Variants in DNALI1 observed in about 807,000 individuals in gnomAD.
DNALI1 encodes the protein axonemal dynein light intermediate polypeptide 1.
A neutral mutation model predicts 33.9 loss-of-function variants in DNALI1; 31 were observed. The ratio of observed to expected loss-of-function variants is 0.91; its 90% CI spans 0.69 to 1.23. DNALI1 has a LOEUF of 1.23. Among genes scored for constraint, DNALI1 ranks in the 50% most tolerant of loss-of-function variants. The pLI is 0.00. For missense variants in DNALI1, 305 were observed against 323.8 expected, an observed-to-expected ratio of 0.94 and a Z score of 0.44; for synonymous variants, 117 against 129.2, an observed-to-expected ratio of 0.91 and a Z score of 0.64.
chr1:37,560,526 A>C (rs2148122299), intron 3 of DNALI1: 1 of 152,330 alleles, frequency 6.6e-6, no homozygotes, highest in South Asian at 2.1e-4. Flanking sequence ...CTGTGAGCTC[A>C]AGGTTGGGGC....
chr1:37,564,962 C>G, intron 5 of DNALI1, 64 bp from the exon 6 acceptor site: 1 of 1,549,592 alleles, frequency 6.5e-7, no homozygotes, highest in Non-Finnish European at 8.9e-7. Context: ...ATTTGATCAC[C>G]TCTCAGCTAT....
Position 37,556,981 on chromosome 1 carries a change from C to G in DNALI1, c.-14C>G. 4 of 1,614,230 alleles carry G rather than the reference C, an allele frequency of 2.5e-6. No homozygotes were observed. Among genetic ancestry groups the G allele is most frequent in the Non-Finnish European group, 2.5e-6 (3 of 1,180,044 alleles). On this transcript the variant is annotated 5_prime_UTR_variant, in exon 1 of 6. Transcript: ENST00000652629. ...GGACAGGGCAGCTGCTGGGTTGCTACTCTCGCCTCCGCCATGATTCCGCCC... is the reference window on the plus strand; with the variant it reads ...GGACAGGGCAGCTGCTGGGTTGCTAGTCTCGCCTCCGCCATGATTCCGCCC...
Position 37,564,611 on chromosome 1 carries a change from G to A in DNALI1, c.742-415G>A, listed in dbSNP as rs188907533. ...TTATCCAGGATGGTCTGGATCTCCT[G>A]ACCTCACGATCCGCCCGCCTCAGCC... On this transcript the variant is annotated intron_variant, in intron 5 of 5. Transcript: ENST00000652629. Among the ~76,000 whole-genome samples the A allele has an allele frequency of 9.4e-3, 1,428 of 152,164 alleles. 12 individuals carry two copies. Among genetic ancestry groups the A allele is most frequent in the South Asian group, 0.027 (130 of 4,810 alleles).
rs1643448651 is a variant in DNALI1, at chr1:37,562,199, A to G, written c.695A>G (p.His232Arg). 1 of 1,613,952 alleles carries G rather than the reference A, an allele frequency of 6.2e-7. No individual in the cohort carries two copies. The highest frequency in any genetic ancestry group is 1.3e-5 in the African/African-American group (1 of 75,036). Residue 232 changes from histidine (H) to arginine (R), a missense_variant, in exon 5 of 6, where the codon CAC (histidine) becomes CGC (arginine). Coordinates refer to ENST00000652629, the MANE Select transcript of DNALI1 (RefSeq NM_003462.5). This position sits in a 1 kb window ranked among gnomAD's most constrained non-coding sequence, Gnocchi z 5.8. The part of the protein sequence containing the change: ...SERRQVEEKK[H>R]NEEIQFLKRT... Reference sequence around the variant, plus strand: ...AGGCGGCAGGTGGAGGAGAAGAAGCACAATGAGGAGATTCAGTTCCTGAAG... The same window carrying G: ...AGGCGGCAGGTGGAGGAGAAGAAGCGCAATGAGGAGATTCAGTTCCTGAAG...
chr1:37,563,647 C>A (rs1352199189), intron 5 of DNALI1, among the ~76,000 whole-genome samples: 1 of 152,076 alleles, frequency 6.6e-6, no homozygotes, highest in Admixed American at 6.5e-5. Flanking sequence ...TGTGCCAGCA[C>A]GCCCGGCAAA....
rs1004694989 is a variant in DNALI1 at position 37,562,257 on chromosome 1, G to A, written c.741+12G>A. The A allele has an allele frequency of 1.6e-5, 25 of 1,607,490 alleles. No homozygotes were observed. Among genetic ancestry groups the A allele is most frequent in the East Asian group, 4.5e-5 (2 of 44,576 alleles). ...ATCAGCAGCTGAAGGTAATCAACGC[G>A]CAGGGTGGGGTGGAGGTGCCCCCTG... is the stretch of plus-strand genomic sequence containing the variant. On this transcript the variant is annotated intron_variant, in intron 5 of 5. Coordinates refer to ENST00000652629, the MANE Select transcript of DNALI1 (RefSeq NM_003462.5). This position sits in a 1 kb window ranked among gnomAD's most constrained non-coding sequence, Gnocchi z 5.8.
chr1:37,559,491 G>A lies in DNALI1; in HGVS notation c.392G>A (p.Cys131Tyr). 6.2e-7 allele frequency: 1 copy of A among 1,604,806 alleles called. No individual in the cohort carries two copies. Among genetic ancestry groups the A allele is most frequent in the Non-Finnish European group, 8.5e-7 (1 of 1,175,092 alleles). ...GTCCGCAGGGAACTCTACTCACAGT[G>A]TTTTGGTGAGTGAGCCAGGTGAGGG... The part of the protein sequence containing the change: ...CPVRRELYSQ[C>Y]FDELIREVTI... The change falls in exon 3 of 6, where the codon TGT (cysteine) becomes TAT (tyrosine). Residue 131 changes from cysteine to tyrosine, a missense_variant. By Grantham distance (194) the Cys-to-Tyr change is radical. Transcript: ENST00000652629. This position sits in a 1 kb window ranked among gnomAD's most constrained non-coding sequence, Gnocchi z 5.3.
chr1:37,561,981 T>C lies in DNALI1; in HGVS notation c.577-100T>C. ...ACTGACCTCCCACTGGGTGGCAGTA[T>C]ATACCCTGGCAATGTCATGTCCCAT... On this transcript the variant is annotated intron_variant, in intron 4 of 5. Transcript: ENST00000652629. This position sits in a 1 kb window ranked among gnomAD's most constrained non-coding sequence, Gnocchi z 4.6. 6.4e-7 allele frequency: 1 copy of C among 1,555,536 alleles called. No homozygotes were observed. Among genetic ancestry groups the C allele is most frequent in the Non-Finnish European group, 8.7e-7 (1 of 1,143,146 alleles).
At chr1:37,560,553 G>A (rs1297057001) in intron 3 of DNALI1, 5 of 152,160 alleles carry the variant, frequency 3.3e-5, no homozygotes, top group African/African-American at 1.2e-4. Flanking sequence ...ACAGATTAAC[G>A]GCATCTTAGG....
chr1:37,561,437 C>CT lies in DNALI1; in HGVS notation c.398-117dup, dbSNP rs1257256125. 8 of 1,331,028 alleles carry CT rather than the reference C, an allele frequency of 6.0e-6. No individual in the cohort carries two copies. The highest frequency in any genetic ancestry group is 7.2e-6 in the Non-Finnish European group (7 of 977,558). The allele number at this position is 1,331,028 out of a possible 1,614,324, so 82.5% of individuals were successfully genotyped here. On this transcript the variant is annotated intron_variant, in intron 3 of 5. Coordinates refer to ENST00000652629, the MANE Select transcript of DNALI1 (RefSeq NM_003462.5). The surrounding 1 kb of genome is among the most constrained non-coding windows in gnomAD (Gnocchi z 4.6). ...TGAGGCCCTTCTCTGAGGCCTTGCACTTTGTCTCCAAGCGAGAACACCCTA... is the reference window on the plus strand; with the variant it reads ...TGAGGCCCTTCTCTGAGGCCTTGCACTTTTGTCTCCAAGCGAGAACACCCTA...
Position 37,559,260 on chromosome 1 carries a change from C to G in DNALI1, c.228-67C>G. 6.8e-7 allele frequency: 1 copy of G among 1,475,424 alleles called. No individual in the cohort carries two copies. The highest frequency in any genetic ancestry group is 9.1e-7 in the Non-Finnish European group (1 of 1,104,970). The allele number at this position is 1,475,424 out of a possible 1,614,324, so 91.4% of individuals were successfully genotyped here. A position where few individuals can be genotyped will look rare whatever the true frequency, so the allele number is the denominator to read the frequency against. The stretch of plus-strand genomic sequence containing the variant: ...TACTCAGGCAGAGGGCTCAAAGGGC[C>G]CTCTGCTCATGTGCTAGGGACCTTC... On this transcript the variant is annotated intron_variant, in intron 2 of 5. Transcript: ENST00000652629. This position sits in a 1 kb window ranked among gnomAD's most constrained non-coding sequence, Gnocchi z 5.3.
rs115648365 is a variant in DNALI1, at chr1:37,566,850, A to G, written c.*1789A>G. 2.2e-5 allele frequency: 35 copies of G among 1,611,724 alleles called. No homozygotes were observed. The highest frequency in any genetic ancestry group is 2.8e-5 in the Non-Finnish European group (33 of 1,178,890). On this transcript the variant is annotated 3_prime_UTR_variant, in exon 6 of 6. Transcript: ENST00000652629. Reference sequence around the variant, plus strand: ...TTGTATAATTTAATAAAAACCTTTTAAACATTACTGCTTTTGTCTGAATTT... The same window carrying G: ...TTGTATAATTTAATAAAAACCTTTTGAACATTACTGCTTTTGTCTGAATTT...
At position 37,565,183 on chromosome 1, in the gene DNALI1, C is replaced by A; in HGVS notation, c.*122C>A. On this transcript the variant is annotated 3_prime_UTR_variant, in exon 6 of 6. Transcript: ENST00000652629. ...AAAGCTAGTTTCCTGAGTGAACAAG[C>A]CATAACCTCCCCTAAACACCACCTA... 3 of 1,069,274 alleles carry A rather than the reference C, an allele frequency of 2.8e-6. No individual in the cohort carries two copies. Among genetic ancestry groups the A allele is most frequent in the Admixed American group, 1.9e-5 (1 of 51,458 alleles). 66.2% of individuals were successfully genotyped at this position (1,069,274 alleles called of 1,614,324 possible).
rs1643490920 is a variant in DNALI1, at chr1:37,565,617, T to G, written c.*556T>G. 1 of 153,504 alleles carries G rather than the reference T, an allele frequency of 6.5e-6. No homozygotes were observed. The highest frequency in any genetic ancestry group is 1.4e-5 in the Non-Finnish European group (1 of 69,010). The allele number at this position is 153,504 out of a possible 1,614,324, so 9.5% of individuals were successfully genotyped here. A position where few individuals can be genotyped will look rare whatever the true frequency, so the allele number is the denominator to read the frequency against. On this transcript the variant is annotated 3_prime_UTR_variant, in exon 6 of 6. Transcript: ENST00000652629. ...CAACTGGACCCCTTCCTCCTCGGTT[T>G]CAGACTGCCTACATTAGGAAACAAT...
Position 37,559,495 on chromosome 1 carries a change from TGGTGAGTGAGCCA to T in DNALI1, c.397+6_397+18del. ...GCAGGGAACTCTACTCACAGTGTTT[TGGTGAGTGAGCCA>T]GGTGAGGGGTGGGCACTACACACCC... On this transcript the variant is annotated splice_donor_variant and splice_donor_5th_base_variant and coding_sequence_variant and intron_variant, in exon 3 of 6. Transcript: ENST00000652629. LOFTEE classifies it high-confidence loss of function. This position sits in a 1 kb window ranked among gnomAD's most constrained non-coding sequence, Gnocchi z 5.3. 6.2e-7 allele frequency: 1 copy of T among 1,603,942 alleles called. No individual in the cohort carries two copies. Among genetic ancestry groups the T allele is most frequent in the Non-Finnish European group, 8.5e-7 (1 of 1,174,570 alleles).
rs535057548 is a variant in DNALI1 at position 37,557,480 on chromosome 1, G to A, written c.82-123G>A. The A allele has an allele frequency of 2.5e-5, 34 of 1,371,092 alleles. No homozygotes were observed. The South Asian group carries it at 3.0e-4, about 12-fold the overall frequency. The allele number at this position is 1,371,092 out of a possible 1,614,324, so 84.9% of individuals were successfully genotyped here. A position where few individuals can be genotyped will look rare whatever the true frequency, so the allele number is the denominator to read the frequency against. ...TGACATAATTTCTGCTGAGAAGACCGACCCAAAGTAGGCTAGGAAGAGGGG... is the reference window on the plus strand; with the variant it reads ...TGACATAATTTCTGCTGAGAAGACCAACCCAAAGTAGGCTAGGAAGAGGGG... On this transcript the variant is annotated intron_variant, in intron 1 of 5. Coordinates refer to ENST00000652629, the MANE Select transcript of DNALI1 (RefSeq NM_003462.5).
At chr1:37,564,241 C>T (rs1557634038) in intron 5 of DNALI1, among the ~76,000 whole-genome samples, 1 of 148,672 alleles carries the variant, frequency 6.7e-6, no homozygotes, top group Non-Finnish European at 1.5e-5. Context: ...TCCCCACCCC[C>T]ACCCCCCAAC....
At position 37,562,300 on chromosome 1, in the gene DNALI1, A is replaced by G. The variant is rs769290870; in HGVS notation, c.741+55A>G. The G allele has an allele frequency of 2.2e-4, 348 of 1,572,116 alleles. No individual in the cohort carries two copies. Among genetic ancestry groups the G allele is most frequent in the Non-Finnish European group, 2.9e-4 (340 of 1,158,554 alleles). On this transcript the variant is annotated intron_variant, in intron 5 of 5. Transcript: ENST00000652629. The surrounding 1 kb of genome is among the most constrained non-coding windows in gnomAD (Gnocchi z 5.8). Reference sequence around the variant, plus strand: ...GCCCCCTGCCCTGCGACCCAGCCCCACAGGCCAGGCATTCGGTTCCTTTTC... The same window carrying G: ...GCCCCCTGCCCTGCGACCCAGCCCCGCAGGCCAGGCATTCGGTTCCTTTTC...
chr1:37,557,479 C>G, intron 1 of DNALI1, 124 bp from the exon 2 acceptor site: 12 of 1,356,688 alleles, frequency 8.8e-6, no homozygotes, highest in Non-Finnish European at 1.2e-5. Flanking sequence ...CTGAGAAGAC[C>G]GACCCAAAGT....
Sources: allele counts gnomAD v4.1 joint callset (sites outside exome capture counted in the v4.1 genomes callset), GRCh38; gene constraint gnomAD v4.1.1; non-coding constraint Gnocchi (gnomAD v3.1); transcripts MANE v1.5; gene names NCBI Gene and HGNC (gene_info 2026-07-23, HGNC 2026-07-21).